Variants in IGSF10 observed in about 807,000 individuals in gnomAD.
IGSF10 encodes immunoglobulin superfamily member 10, also known as calvaria mechanical force protein 608.
Under a neutral mutation model 128.2 loss-of-function variants are expected in IGSF10, and 126 were observed. The ratio of observed to expected loss-of-function variants is 0.98; its 90% CI spans 0.85 to 1.14. The LOEUF (loss-of-function observed/expected upper bound fraction) is 1.14. Among genes scored for constraint, IGSF10 ranks in the 50% most tolerant of loss-of-function variants. The probability of loss-of-function intolerance (pLI) is 0.00; values close to 1 mark genes in which losing one functional copy is unlikely to be tolerated. For missense variants in IGSF10, 3,295 were observed against 3,149.8 expected, an observed-to-expected ratio of 1.05 and a Z score of -1.10; for synonymous variants, 1,185 against 1,146.2, an observed-to-expected ratio of 1.03 and a Z score of -0.68.
the IGSF10 span, among the ~76,000 whole-genome samples, chr3:151,528,437 C>T: frequency 4.6e-5 from 7 of 152,292 alleles, no homozygotes; most frequent in African/African-American, 1.7e-4. Flanking sequence ...GGAACAGCTC[C>T]GGTCTGTAGC....
chr3:151,476,465 C>T, the IGSF10 span, among the ~76,000 whole-genome samples: 5 of 152,144 alleles, frequency 3.3e-5, no homozygotes, highest in Non-Finnish European at 7.4e-5. Context: ...CCTAGTCTGA[C>T]GTAACTGCTA....
the IGSF10 span, among the ~76,000 whole-genome samples, chr3:151,528,952 C>T: frequency 2.2e-4 from 34 of 151,690 alleles, no homozygotes; most frequent in Non-Finnish European, 4.0e-4. Context: ...TAAGATCCAC[C>T]GGCGTGAAAT....
intron 4 of IGSF10, among the ~76,000 whole-genome samples, chr3:151,455,206 G>GT (rs111600101): frequency 1 from 151,375 of 151,376 alleles, 75,687 homozygotes; most frequent in Non-Finnish European, 1. Flanking sequence ...CATCTCCTGG[G>GT]TCAAGTGATT....
the IGSF10 span, among the ~76,000 whole-genome samples, chr3:151,608,162 G>A: frequency 6.6e-6 from 1 of 152,076 alleles, no homozygotes; most frequent in African/African-American, 2.4e-5. Context: ...TGTGAAATAT[G>A]CTTTAGCATA....
chr3:151,474,117 T>C, the IGSF10 span, among the ~76,000 whole-genome samples: 1 of 152,182 alleles, frequency 6.6e-6, no homozygotes, highest in Non-Finnish European at 1.5e-5. Context: ...CTCTGAAAAG[T>C]AGATGACAAC....
At chr3:151,565,299 A>G in the IGSF10 span, among the ~76,000 whole-genome samples, 22 of 152,282 alleles carry the variant, frequency 1.4e-4, no homozygotes, top group East Asian at 9.6e-4. Context: ...GCTTGACTTT[A>G]TAGGCCCAGA....
chr3:151,548,845 C>G, the IGSF10 span, among the ~76,000 whole-genome samples: 1 of 151,614 alleles, frequency 6.6e-6, no homozygotes, highest in Non-Finnish European at 1.5e-5. Context: ...TTTTCCAGCT[C>G]TTTTTAAATT....
chr3:151,505,044 C>G, the IGSF10 span, among the ~76,000 whole-genome samples: 1 of 152,278 alleles, frequency 6.6e-6, no homozygotes, highest in East Asian at 1.9e-4. Context: ...TGCCTATTAC[C>G]CAGTTCCAAA....
chr3:151,505,874 G>T, the IGSF10 span, among the ~76,000 whole-genome samples: 2 of 152,092 alleles, frequency 1.3e-5, no homozygotes. Context: ...CATCCCAAAG[G>T]TGCAAATTAA....
the IGSF10 span, among the ~76,000 whole-genome samples, chr3:151,484,907 T>A: frequency 3.3e-5 from 5 of 151,914 alleles, no homozygotes; most frequent in African/African-American, 1.2e-4. Context: ...CTCCAAAGGA[T>A]CACAACTCCT....
At chr3:151,463,453 A>G (rs1722137438), upstream of IGSF10, among the ~76,000 whole-genome samples, 1 of 151,438 alleles carries the variant, frequency 6.6e-6, no homozygotes, top group African/African-American at 2.4e-5. Context: ...TAAATGATTC[A>G]GAGCCAAAAT....
At chr3:151,608,305 CT>C in the IGSF10 span, among the ~76,000 whole-genome samples, 1 of 152,188 alleles carries the variant, frequency 6.6e-6, no homozygotes, top group African/African-American at 2.4e-5. Context: ...ATGAAATAGT[CT>C]TAATCTCAAT....
the IGSF10 span, among the ~76,000 whole-genome samples, chr3:151,527,934 C>T: frequency 6.7e-6 from 1 of 149,164 alleles, no homozygotes; most frequent in Non-Finnish European, 1.5e-5. Flanking sequence ...TCCTGGGTGA[C>T]AGAGCAAGAT....
At chr3:151,544,338 C>T in the IGSF10 span, among the ~76,000 whole-genome samples, 1 of 152,234 alleles carries the variant, frequency 6.6e-6, no homozygotes, top group Non-Finnish European at 1.5e-5. Flanking sequence ...TGCTGCAACA[C>T]AGCAGTCTTT....
At chr3:151,612,226 G>A in the IGSF10 span, among the ~76,000 whole-genome samples, 4 of 152,082 alleles carry the variant, frequency 2.6e-5, no homozygotes, top group Admixed American at 1.3e-4. Flanking sequence ...TGAAATCTCA[G>A]TACACCAAGA....
At chr3:151,483,449 G>A in the IGSF10 span, among the ~76,000 whole-genome samples, 1 of 152,002 alleles carries the variant, frequency 6.6e-6, no homozygotes, top group East Asian at 1.9e-4. Flanking sequence ...AAGAAAGAAA[G>A]GAATCAAAGC....
At chr3:151,435,241 C>T (rs1720009419), downstream of IGSF10, 1 of 49,964 alleles carries the variant, frequency 2.0e-5, no homozygotes, top group African/African-American at 1.1e-4. Flanking sequence ...CAAATGGAGT[C>T]AGCTATACCT....
the IGSF10 span, among the ~76,000 whole-genome samples, chr3:151,508,236 AATAG>A: frequency 6.6e-6 from 1 of 152,142 alleles, no homozygotes; most frequent in Non-Finnish European, 1.5e-5. Flanking sequence ...AGGGGTAAAA[AATAG>A]ATACAACAAG....
the IGSF10 span, among the ~76,000 whole-genome samples, chr3:151,544,708 A>G: frequency 1.0e-4 from 15 of 147,606 alleles, no homozygotes; most frequent in African/African-American, 2.5e-4. Flanking sequence ...TTTTTTTTCA[A>G]TGCCCTGGGG....
Sources: gnomAD v4.1 joint callset for allele counts (sites outside exome capture counted in the v4.1 genomes callset) on GRCh38, gnomAD v4.1.1 for gene constraint, MANE v1.5 for transcripts, NCBI Gene and HGNC (gene_info 2026-07-23, HGNC 2026-07-21) for gene names.